The following CAD variants were observed in gnomAD, a reference collection of about 807,000 sequenced individuals.
CAD encodes the protein multifunctional protein CAD.
CAD carries 81 observed loss-of-function variants against 237.2 expected under a neutral mutation model. The ratio of observed to expected loss-of-function variants is 0.34; its 90% CI spans 0.29 to 0.41. The LOEUF (loss-of-function observed/expected upper bound fraction) is 0.41. Among genes scored for constraint, CAD ranks in the 10% least tolerant of loss-of-function variants. The pLI, the probability that CAD is intolerant of heterozygous loss-of-function variation, is 1.00. For missense variants in CAD, 2,181 were observed against 2,951.7 expected (o/e 0.74, Z 6.05); for synonymous variants, 1,196 against 1,162.8 (o/e 1.03, Z -0.58).
In CAD at chr2:27,237,750, G is replaced by A. The variant is rs151204610; in HGVS notation, c.4596G>A (p.Ala1532=). The part of the protein sequence containing the change: ...LAEAGARCDF[A]LFLGASSENA... ...AGGCTGGCGCCCGGTGCGACTTTGC[G>A]CTATTCCTTGGGGCCTCGTCTGAAA... The change falls in exon 29 of 44, where the codon GCG becomes GCA. Residue 1532 remains alanine, a synonymous_variant. Transcript: ENST00000264705. The surrounding 1 kb of genome is among the most constrained non-coding windows in gnomAD (Gnocchi z 4.0). 2,009 of 1,614,114 alleles carry A rather than the reference G, an allele frequency of 1.2e-3. 15 individuals carry two copies. In the African/African-American group the frequency reaches 0.02, roughly 16 times the overall value.
chr2:27,225,010 G>C lies in CAD; in HGVS notation c.1387G>C (p.Val463Leu), dbSNP rs755814746. ...CTGTAACTCCCCTCTCCATCCTCAG[G>C]TGATACGTAATGAACGCCCCGATGG... The part of the protein sequence containing the change: ...LPITPHYVTQ[V>L]IRNERPDGVL... The change falls in exon 11 of 44, where the codon GTG (valine) becomes CTG (leucine). Residue 463 changes from valine (V) to leucine (L), a missense_variant and splice_region_variant. By Grantham distance (32) the Val-to-Leu change is conservative (BLOSUM62 1). This residue lies in a region of CAD where 174 missense variants were observed against 215.8 expected (regional missense o/e 0.81). Coordinates refer to ENST00000264705, the MANE Select transcript of CAD (RefSeq NM_004341.5). The C allele has an allele frequency of 1.2e-6, 2 of 1,609,166 alleles. No homozygotes were observed. Among genetic ancestry groups the C allele is most frequent in the East Asian group, 4.5e-5 (2 of 44,728 alleles).
At chr2:27,238,759 A>G in intron 31 of CAD, 127 bp downstream of exon 31, 1 of 855,580 alleles carries the variant, frequency 1.2e-6, no homozygotes, top group East Asian at 2.6e-5. Flanking sequence ...ATGGGACCCT[A>G]GCCTCTAGGG....
chr2:27,237,044 C>T lies in CAD; in HGVS notation c.4396+214C>T, dbSNP rs1676047521. Among the ~76,000 whole-genome samples the T allele has an allele frequency of 1.5e-5, 2 of 130,432 alleles. No individual in the cohort carries two copies. Among genetic ancestry groups the T allele is most frequent in the Admixed American group, 8.1e-5 (1 of 12,318 alleles). The allele number at this position is 130,432 out of a possible 152,430, so 85.6% of individuals were successfully genotyped here. ...TTTTTTTTTTTTTTTTTTTTTGAGACAGAGTCTTACTCCATCGCCCAGGTT... is the reference window on the plus strand; with the variant it reads ...TTTTTTTTTTTTTTTTTTTTTGAGATAGAGTCTTACTCCATCGCCCAGGTT... On this transcript the variant is annotated intron_variant, in intron 27 of 43. Transcript: ENST00000264705. The surrounding 1 kb of genome is among the most constrained non-coding windows in gnomAD (Gnocchi z 4.0).
rs1675949151 is a variant in CAD at position 27,235,283 on chromosome 2, C to T, written c.3825C>T (p.Asp1275=). ...CCTTCTCCCGCTTGGCGGGTGCTGA[C>T]GTGGTGTTGGGTGTGGAAATGACCA... is the stretch of plus-strand genomic sequence containing the variant. ...QFSFSRLAGA[D]VVLGVEMTST... is the part of the protein sequence containing the mutation. Residue 1275 remains aspartate (D), a synonymous_variant, in exon 24 of 44, where the codon GAC becomes GAT. Coordinates refer to ENST00000264705, the MANE Select transcript of CAD (RefSeq NM_004341.5). The surrounding 1 kb of genome is among the most constrained non-coding windows in gnomAD (Gnocchi z 5.2). 3.7e-6 allele frequency: 6 copies of T among 1,613,118 alleles called. No individual in the cohort carries two copies. Among genetic ancestry groups the T allele is most frequent in the Non-Finnish European group, 4.2e-6 (5 of 1,179,628 alleles).
rs1286561703 is a variant in CAD, at chr2:27,235,139, C to G, written c.3787-106C>G. The G allele has an allele frequency of 2.8e-6, 3 of 1,066,690 alleles. No homozygotes were observed. The East Asian group carries it at 7.6e-5, about 27-fold the overall frequency. The allele number at this position is 1,066,690 out of a possible 1,614,324, so 66.1% of individuals were successfully genotyped here. A position where few individuals can be genotyped will look rare whatever the true frequency, so the allele number is the denominator to read the frequency against. The stretch of plus-strand genomic sequence containing the variant: ...GGCACACAGAGAGGGCAGGCTGACC[C>G]TGCCATTCAGATGGGATCAAGCACA... On this transcript the variant is annotated intron_variant, in intron 23 of 43. Transcript: ENST00000264705. This position sits in a 1 kb window ranked among gnomAD's most constrained non-coding sequence, Gnocchi z 5.2.
At chr2:27,222,794 C>T in intron 5 of CAD, 72 bp from the exon 6 acceptor site, 1 of 1,577,474 alleles carries the variant, frequency 6.3e-7, no homozygotes, top group East Asian at 2.2e-5. Flanking sequence ...CTCTCATGGG[C>T]TGGGGGGGCT....
rs1675833836 is a variant in CAD, at chr2:27,233,012, T to G, written c.2893-30T>G. On this transcript the variant is annotated intron_variant, in intron 18 of 43. Transcript: ENST00000264705. This position sits in a 1 kb window ranked among gnomAD's most constrained non-coding sequence, Gnocchi z 6.3. The stretch of plus-strand genomic sequence containing the variant: ...CTCCACGATTTTCCTCCCACCTGAC[T>G]GCTAAGTACCCTTCCCCTCCCTCTT... 7.0e-7 allele frequency: 1 copy of G among 1,433,838 alleles called. No individual in the cohort carries two copies. The highest frequency in any genetic ancestry group is 2.3e-5 in the East Asian group (1 of 44,020). 88.8% of individuals were successfully genotyped at this position (1,433,838 alleles called of 1,614,324 possible). A position where few individuals can be genotyped will look rare whatever the true frequency, so the allele number is the denominator to read the frequency against.
In CAD at chr2:27,240,919, C is replaced by T. The variant is rs570004601; in HGVS notation, c.5602C>T (p.Pro1868Ser). The T allele has an allele frequency of 6.2e-7, 1 of 1,614,114 alleles. No homozygotes were observed. The highest frequency in any genetic ancestry group is 1.3e-5 in the African/African-American group (1 of 75,028). The change falls in exon 36 of 44, where the codon CCA (proline) becomes TCA (serine). Residue 1868 changes from proline (P) to serine (S), a missense_variant. By Grantham distance (74) the Pro-to-Ser change is moderately conservative. Coordinates refer to ENST00000264705, the MANE Select transcript of CAD (RefSeq NM_004341.5). The surrounding 1 kb of genome is among the most constrained non-coding windows in gnomAD (Gnocchi z 4.6). ...ASDPGLPAEE[P>S]KEKSSRKVAE... ...TCTTGTCCTGTTTGCAGCTGAGGAG[C>T]CAAAGGAGAAGTCCTCTCGGAAGGT...
rs773112735 is a variant in CAD at position 27,235,205 on chromosome 2, C to T, written c.3787-40C>T. The T allele has an allele frequency of 1.3e-6, 2 of 1,548,034 alleles. No individual in the cohort carries two copies. Among genetic ancestry groups the T allele is most frequent in the Non-Finnish European group, 1.8e-6 (2 of 1,140,396 alleles). On this transcript the variant is annotated intron_variant, in intron 23 of 43. Coordinates refer to ENST00000264705, the MANE Select transcript of CAD (RefSeq NM_004341.5). This position sits in a 1 kb window ranked among gnomAD's most constrained non-coding sequence, Gnocchi z 5.2. ...CTCTGCTGGTGAGGGAGGAGGTCCT[C>T]TCACACCTTGGCCCTCTCTCTTCCC...
At position 27,232,725 on chromosome 2, in the gene CAD, T is replaced by C. The variant is rs771916525; in HGVS notation, c.2892+31T>C. On this transcript the variant is annotated intron_variant, in intron 18 of 43. Coordinates refer to ENST00000264705, the MANE Select transcript of CAD (RefSeq NM_004341.5). This position sits in a 1 kb window ranked among gnomAD's most constrained non-coding sequence, Gnocchi z 4.1. ...AGAGTTCATTTTCTTTCCACTTTCC[T>C]TGCTATTCTGTTCATCTCTAGCAAT... is the stretch of plus-strand genomic sequence containing the variant. 6.2e-7 allele frequency: 1 copy of C among 1,613,420 alleles called. No individual in the cohort carries two copies. The highest frequency in any genetic ancestry group is 1.3e-5 in the African/African-American group (1 of 74,906).
chr2:27,233,251 G>T lies in CAD; in HGVS notation c.2992-61G>T. 3.3e-6 allele frequency: 5 copies of T among 1,538,358 alleles called. No homozygotes were observed. The highest frequency in any genetic ancestry group is 4.5e-6 in the Non-Finnish European group (5 of 1,112,074). ...TGGCGGCTGAGGGAAGCAGTGAGCA[G>T]GAAGGCTCAGATTCCTGCCCTCTTT... On this transcript the variant is annotated intron_variant, in intron 19 of 43. Coordinates refer to ENST00000264705, the MANE Select transcript of CAD (RefSeq NM_004341.5). The surrounding 1 kb of genome is among the most constrained non-coding windows in gnomAD (Gnocchi z 6.3).
chr2:27,233,579 T>A lies in CAD; in HGVS notation c.3216+43T>A, dbSNP rs756862473. 3.1e-6 allele frequency: 5 copies of A among 1,613,584 alleles called. No individual in the cohort carries two copies. The African/African-American group carries it at 6.7e-5, about 22-fold the overall frequency. On this transcript the variant is annotated intron_variant, in intron 20 of 43. Transcript: ENST00000264705. The surrounding 1 kb of genome is among the most constrained non-coding windows in gnomAD (Gnocchi z 6.3). ...GGGTTACCCGGAGGCTGGATGATGC[T>A]TGGGGGAAAGTGTGAACAACTCAGC...
rs1308791812 is a variant in CAD at position 27,241,905 on chromosome 2, C to T, written c.5884-6C>T. On this transcript the variant is annotated splice_polypyrimidine_tract_variant and splice_region_variant and intron_variant, in intron 38 of 43. Transcript: ENST00000264705. The surrounding 1 kb of genome is among the most constrained non-coding windows in gnomAD (Gnocchi z 4.6). ...ACGTACACCTTCCATCTTGCTCTTT[C>T]CCTAGGGGAAGGTCATGGCCTCCAT... 2 of 1,610,542 alleles carry T rather than the reference C, an allele frequency of 1.2e-6. No homozygotes were observed. The highest frequency in any genetic ancestry group is 2.2e-5 in the East Asian group (1 of 44,776).
Position 27,237,533 on chromosome 2 carries a change from C to T in CAD, c.4551C>T (p.Ala1517=), listed in dbSNP as rs1484912707. 8.1e-6 allele frequency: 13 copies of T among 1,613,254 alleles called. No individual in the cohort carries two copies. Among genetic ancestry groups the T allele is most frequent in the Admixed American group, 1.7e-5 (1 of 60,016 alleles). The change falls in exon 28 of 44, where the codon GCC becomes GCT. Residue 1517 remains alanine (A), a synonymous_variant. Coordinates refer to ENST00000264705, the MANE Select transcript of CAD (RefSeq NM_004341.5). This position sits in a 1 kb window ranked among gnomAD's most constrained non-coding sequence, Gnocchi z 4.0. ...RPPIIDAPAL[A]LAQKLAEAGA... is the part of the protein sequence containing the mutation. ...CCATCATTGACGCCCCTGCTCTGGCCCTGGCCCAGAAGGTGAGCCACTGCA... is the reference window on the plus strand; with the variant it reads ...CCATCATTGACGCCCCTGCTCTGGCTCTGGCCCAGAAGGTGAGCCACTGCA...
intron 22 of CAD, 144 bp downstream of exon 22, chr2:27,234,370 A>C: frequency 1.8e-6 from 2 of 1,113,846 alleles, no homozygotes; most frequent in Non-Finnish European, 2.7e-6. Context: ...GCTAGAGCTC[A>C]TGGTGTTGGG....
chr2:27,240,449 C>G lies in CAD; in HGVS notation c.5593+88C>G. 2.7e-6 allele frequency: 4 copies of G among 1,478,492 alleles called. No individual in the cohort carries two copies. Among genetic ancestry groups the G allele is most frequent in the South Asian group, 1.1e-5 (1 of 88,086 alleles). 91.6% of individuals were successfully genotyped at this position (1,478,492 alleles called of 1,614,324 possible). ...CCTCGCCTTTCTCTACTTACATGTC[C>G]TCCTCTCCATCCCTTTATCCTCGTC... On this transcript the variant is annotated intron_variant, in intron 35 of 43. Coordinates refer to ENST00000264705, the MANE Select transcript of CAD (RefSeq NM_004341.5). The surrounding 1 kb of genome is among the most constrained non-coding windows in gnomAD (Gnocchi z 4.6).
rs759500845 is a variant in CAD at position 27,231,592 on chromosome 2, C to T, written c.2400+12C>T. ...CAGTCAGCGATATGGTAAGTAGCTC[C>T]CCTCCCCTGGCAATACCCCTAAAAT... On this transcript the variant is annotated intron_variant, in intron 16 of 43. Coordinates refer to ENST00000264705, the MANE Select transcript of CAD (RefSeq NM_004341.5). The T allele has an allele frequency of 6.5e-7, 1 of 1,542,720 alleles. No individual in the cohort carries two copies. The highest frequency in any genetic ancestry group is 9.0e-7 in the Non-Finnish European group (1 of 1,115,290).
At chr2:27,226,434 ATCT>A (rs1318766755) in intron 13 of CAD, 88 bp from the exon 14 acceptor site, 1 of 1,557,208 alleles carries the variant, frequency 6.4e-7, no homozygotes, top group East Asian at 2.3e-5. Flanking sequence ...ACAAGCTGGA[ATCT>A]TCTTTACTAG....
chr2:27,243,119 C>T (rs1307498900), intron 42 of CAD, 79 bp from the exon 43 acceptor site: 1 of 1,456,260 alleles, frequency 6.9e-7, no homozygotes, highest in African/African-American at 1.4e-5. Flanking sequence ...GTGGAGGGGA[C>T]CCCAGTGGAG....
Sources: gnomAD v4.1 joint callset for allele counts (sites outside exome capture counted in the v4.1 genomes callset) on GRCh38, gnomAD v4.1.1 for gene constraint, gnomAD v4.1.1 regional missense constraint, Gnocchi (gnomAD v3.1) non-coding constraint, MANE v1.5 for transcripts, NCBI Gene and HGNC (gene_info 2026-07-23, HGNC 2026-07-21) for gene names.